The following UGT8 variants were observed in gnomAD, a reference collection of about 807,000 sequenced individuals.
UGT8 encodes the protein 2-hydroxyacylsphingosine 1-beta-galactosyltransferase.
Under a neutral mutation model 40.5 loss-of-function variants are expected in UGT8, and 12 were observed. The observed-to-expected ratio is 0.30, with a 90% CI of 0.19 to 0.48. UGT8 has a LOEUF of 0.48. Among genes scored for constraint, UGT8 ranks in the 20% least tolerant of loss-of-function variants. The pLI, the probability that UGT8 is intolerant of heterozygous loss-of-function variation, is 0.99. For missense variants in UGT8, 513 were observed against 648.7 expected (o/e 0.79, Z 2.27); for synonymous variants, 224 against 240.4 (o/e 0.93, Z 0.63).
At chr4:114,640,945 A>T (rs1248764626) in intron 2 of UGT8, among the ~76,000 whole-genome samples, 1 of 152,152 alleles carries the variant, frequency 6.6e-6, no homozygotes. Context: ...AAATATCACC[A>T]AAAGGACAGG....
chr4:114,631,735 A>G (rs945152334), intron 2 of UGT8, among the ~76,000 whole-genome samples: 12 of 152,226 alleles, frequency 7.9e-5, no homozygotes, highest in African/African-American at 2.9e-4. Flanking sequence ...CATACAATCC[A>G]TGTGATCCAT....
chr4:114,662,233 G>A (rs369761899), intron 2 of UGT8, among the ~76,000 whole-genome samples: 11 of 152,102 alleles, frequency 7.2e-5, no homozygotes, highest in South Asian at 4.1e-4. Context: ...TACCTGAAAC[G>A]TACTCAGAAC....
chr4:114,634,202 G>C (rs1461406664), intron 2 of UGT8, among the ~76,000 whole-genome samples: 1 of 152,208 alleles, frequency 6.6e-6, no homozygotes, highest in African/African-American at 2.4e-5. Context: ...TGATGCGAAA[G>C]AGTAAGGGAT....
intron 2 of UGT8, 69 bp from the exon 3 acceptor site, chr4:114,663,926 G>A: frequency 6.4e-7 from 1 of 1,552,800 alleles, no homozygotes; most frequent in Non-Finnish European, 8.7e-7. Flanking sequence ...TTTTAACTGG[G>A]CTGTTAATAA....
intron 2 of UGT8, among the ~76,000 whole-genome samples, chr4:114,635,179 C>T (rs1383531024): frequency 1.3e-5 from 2 of 151,996 alleles, no homozygotes; most frequent in African/African-American, 2.4e-5. Context: ...GATCAAACCC[C>T]ATCTCTACTC....
intron 2 of UGT8, among the ~76,000 whole-genome samples, chr4:114,639,709 T>C (rs1733093517): frequency 6.6e-6 from 1 of 152,200 alleles, no homozygotes; most frequent in African/African-American, 2.4e-5. Flanking sequence ...TAGTTTTAAG[T>C]CATTGGGAAA....
intron 2 of UGT8, among the ~76,000 whole-genome samples, chr4:114,660,905 A>AG (rs1231319806): frequency 6.6e-6 from 1 of 151,704 alleles, no homozygotes; most frequent in Non-Finnish European, 1.5e-5. Flanking sequence ...AAAAAAAAAA[A>AG]AAAAATTATA....
In UGT8 at chr4:114,644,578, G is replaced by A. The variant is rs375737867; in HGVS notation, c.823-19417G>A. 3.3e-5 allele frequency among the ~76,000 whole-genome samples: 5 copies of A among 152,254 alleles called. No homozygotes were observed. The East Asian group carries it at 9.6e-4, about 29-fold the overall frequency. On this transcript the variant is annotated intron_variant, in intron 2 of 5. Coordinates refer to ENST00000310836, the MANE Select transcript of UGT8 (RefSeq NM_001128174.3). ...CCCCTCATTTGGACCTCTTGAGGTA[G>A]GCACTCATTGTCTCCCTGAGGCTGG...
At position 114,624,205 on chromosome 4, in the gene UGT8, T is replaced by G. The variant is rs75742385; in HGVS notation, c.822+503T>G. ...TGGTAACTTCCATCAAAGTAGGGAG[T>G]TGGTTAATTTAAGCTAGTAAGTAAA... is the stretch of plus-strand genomic sequence containing the variant. On this transcript the variant is annotated intron_variant, in intron 2 of 5. Transcript: ENST00000310836. Among the ~76,000 whole-genome samples, 1,349 of 152,210 alleles carry G rather than the reference T, an allele frequency of 8.9e-3. 27 individuals are homozygous for G. The highest frequency in any genetic ancestry group is 0.031 in the African/African-American group (1,292 of 41,520).
At chr4:114,638,370 C>G (rs539644871) in intron 2 of UGT8, among the ~76,000 whole-genome samples, 1 of 152,226 alleles carries the variant, frequency 6.6e-6, no homozygotes, top group East Asian at 1.9e-4. Flanking sequence ...ATGAGGGTTC[C>G]AAGGGTGTTC....
intron 2 of UGT8, among the ~76,000 whole-genome samples, chr4:114,641,262 G>A (rs1733206610): frequency 6.6e-6 from 1 of 152,154 alleles, no homozygotes; most frequent in Non-Finnish European, 1.5e-5. Flanking sequence ...TAAAATAAGA[G>A]CATCATTAGG....
chr4:114,666,402 A>T (rs1351367546), intron 4 of UGT8, among the ~76,000 whole-genome samples: 1 of 152,142 alleles, frequency 6.6e-6, no homozygotes, highest in Non-Finnish European at 1.5e-5. Context: ...TTAGTTTTTT[A>T]ACTAAATTTA....
chr4:114,664,281 G>A, intron 3 of UGT8, 144 bp downstream of exon 3: 1 of 913,556 alleles, frequency 1.1e-6, no homozygotes, highest in Non-Finnish European at 1.6e-6. Context: ...TTCTTAGCTT[G>A]TTGAAATCTA....
chr4:114,665,910 T>A (rs1325666862), intron 4 of UGT8, among the ~76,000 whole-genome samples, 154 bp downstream of exon 4: 2 of 152,054 alleles, frequency 1.3e-5, no homozygotes, highest in Non-Finnish European at 2.9e-5. Context: ...GTATCTCAAA[T>A]CTTAAATTTG....
chr4:114,638,476 A>C (rs1312610242), intron 2 of UGT8, among the ~76,000 whole-genome samples: 2 of 152,178 alleles, frequency 1.3e-5, no homozygotes, highest in Non-Finnish European at 2.9e-5. Flanking sequence ...CCAGTAACTA[A>C]AGCTCATTAA....
intron 2 of UGT8, among the ~76,000 whole-genome samples, chr4:114,657,673 T>A (rs1389946821): frequency 6.6e-6 from 1 of 152,196 alleles, no homozygotes; most frequent in Non-Finnish European, 1.5e-5. Context: ...AGAAAATATC[T>A]TGGTGCAGAA....
At chr4:114,599,061 A>G (rs1470584720) in intron 1 of UGT8, 87 bp downstream of exon 1, 2 of 49,734 alleles carry the variant, frequency 4.0e-5, no homozygotes, top group African/African-American at 1.6e-4. Context: ...CCCTGAGGTG[A>G]GTGCCGGGCG....
At chr4:114,669,347 G>A (rs976701547) in intron 5 of UGT8, among the ~76,000 whole-genome samples, 36 of 151,354 alleles carry the variant, frequency 2.4e-4, no homozygotes, top group African/African-American at 8.8e-4. Context: ...TTCTTTAAAG[G>A]TGTGCTTTTC....
chr4:114,601,711 A>G (rs1431584006), intron 1 of UGT8, among the ~76,000 whole-genome samples: 1 of 152,198 alleles, frequency 6.6e-6, no homozygotes, highest in African/African-American at 2.4e-5. Flanking sequence ...GAATTCATAA[A>G]GAATTGAATA....
Sources: gnomAD v4.1 joint callset for allele counts (sites outside exome capture counted in the v4.1 genomes callset) on GRCh38, gnomAD v4.1.1 for gene constraint, MANE v1.5 for transcripts, NCBI Gene and HGNC (gene_info 2026-07-23, HGNC 2026-07-21) for gene names.